The following KIRREL3 variants were observed in gnomAD, a reference collection of about 807,000 sequenced individuals.
KIRREL3 encodes kin of IRRE-like protein 3.
A neutral mutation model predicts 89.7 loss-of-function variants in KIRREL3; 36 were observed. That is an observed-to-expected ratio of 0.40 (90% CI 0.31 to 0.53). The LOEUF is 0.53. Ranked by LOEUF, KIRREL3 falls within the 20% of genes least tolerant of loss-of-function variation. The pLI, the probability that KIRREL3 is intolerant of heterozygous loss-of-function variation, is 0.49. For synonymous variants in KIRREL3, 445 were observed against 441.4 expected, an observed-to-expected ratio of 1.01 and a Z score of -0.10; for missense variants, 864 against 1,056.6, an observed-to-expected ratio of 0.82 and a Z score of 2.53.
At chr11:126,741,470 C>T (rs979925799) in intron 1 of KIRREL3, among the ~76,000 whole-genome samples, 1 of 152,112 alleles carries the variant, frequency 6.6e-6, no homozygotes, top group African/African-American at 2.4e-5. Flanking sequence ...ATATCCCATG[C>T]CCATGTGTTG....
At chr11:126,447,461 G>A (rs892858133) in intron 8 of KIRREL3, among the ~76,000 whole-genome samples, 4 of 152,264 alleles carry the variant, frequency 2.6e-5, no homozygotes, top group Admixed American at 6.5e-5. Flanking sequence ...CGTGACCCAC[G>A]CCTCCTCCCC....
In KIRREL3 at chr11:126,566,075, G is replaced by C. The variant is rs2134601889; in HGVS notation, c.56-3163C>G. 6.6e-6 allele frequency among the ~76,000 whole-genome samples: 1 copy of C among 152,218 alleles called. No homozygotes were observed. The highest frequency in any genetic ancestry group is 3.4e-3 in the Middle Eastern group (1 of 292). On this transcript the variant is annotated intron_variant, in intron 1 of 16. Coordinates refer to ENST00000525144, the MANE Select transcript of KIRREL3 (RefSeq NM_032531.4). This position sits in a 1 kb window ranked among gnomAD's most constrained non-coding sequence, Gnocchi z 4.9. ...ATGGGATCTTCTCCAAGTAGGCTTTGGGGGTGCTGTCTTTGGCTTTATCAG... is the reference window on the plus strand; with the variant it reads ...ATGGGATCTTCTCCAAGTAGGCTTTCGGGGTGCTGTCTTTGGCTTTATCAG...
At chr11:126,478,457 G>A (rs1157140034) in intron 4 of KIRREL3, among the ~76,000 whole-genome samples, 1 of 152,188 alleles carries the variant, frequency 6.6e-6, no homozygotes, top group Non-Finnish European at 1.5e-5. Flanking sequence ...ATGGGGCCGG[G>A]GGGACGGTTA....
rs150375399 is a variant in KIRREL3 at position 126,812,652 on chromosome 11, G to A, written c.55+187803C>T. Among the ~76,000 whole-genome samples, 15 of 152,302 alleles carry A rather than the reference G, an allele frequency of 9.8e-5. No homozygotes were observed. Among genetic ancestry groups the A allele is most frequent in the African/African-American group, 2.4e-4 (10 of 41,560 alleles). Reference sequence around the variant, plus strand: ...GTTAGTAACTAGATTTTCTTAGTCCGCCCTGACTTTGGGCCTTTGTCCATA... The same window carrying A: ...GTTAGTAACTAGATTTTCTTAGTCCACCCTGACTTTGGGCCTTTGTCCATA... On this transcript the variant is annotated intron_variant, in intron 1 of 16. Transcript: ENST00000525144. This position sits in a 1 kb window ranked among gnomAD's most constrained non-coding sequence, Gnocchi z 5.2.
In KIRREL3 at chr11:126,761,176, A is replaced by G. The variant is rs1348647045; in HGVS notation, c.56-198264T>C. 6.6e-6 allele frequency among the ~76,000 whole-genome samples: 1 copy of G among 152,238 alleles called. No individual in the cohort carries two copies. The highest frequency in any genetic ancestry group is 2.4e-5 in the African/African-American group (1 of 41,460). On this transcript the variant is annotated intron_variant, in intron 1 of 16. Coordinates refer to ENST00000525144, the MANE Select transcript of KIRREL3 (RefSeq NM_032531.4). The surrounding 1 kb of genome is among the most constrained non-coding windows in gnomAD (Gnocchi z 4.4). ...ACCTGTCTTGATCATTCTGAGAAGA[A>G]TGGAAACACTGGGAAGATATGGTGT...
At chr11:126,853,491 G>A (rs1377048775) in intron 1 of KIRREL3, among the ~76,000 whole-genome samples, 1 of 152,026 alleles carries the variant, frequency 6.6e-6, no homozygotes, top group Admixed American at 6.6e-5. Context: ...GTTTTAATAT[G>A]CTTTTCATGA....
At chr11:126,958,695 C>T (rs1194085095) in intron 1 of KIRREL3, among the ~76,000 whole-genome samples, 1 of 152,224 alleles carries the variant, frequency 6.6e-6, no homozygotes, top group African/African-American at 2.4e-5. Context: ...TAAAGGCACT[C>T]AAACACTCAT....
At chr11:126,758,737 T>A (rs1436505723) in intron 1 of KIRREL3, among the ~76,000 whole-genome samples, 1 of 152,214 alleles carries the variant, frequency 6.6e-6, no homozygotes, top group Admixed American at 6.5e-5. Context: ...TACAGAACTA[T>A]TATTTACCAG....
Position 127,000,484 on chromosome 11 carries a change from A to T in KIRREL3, c.26T>A (p.Leu9His), listed in dbSNP as rs960778002. The T allele has an allele frequency of 1.2e-6, 2 of 1,608,408 alleles. No individual in the cohort carries two copies. The highest frequency in any genetic ancestry group is 2.2e-5 in the East Asian group (1 of 44,624). Residue 9 changes from leucine to histidine, a missense_variant, in exon 1 of 17, where the codon CTC (leucine) becomes CAC (histidine). Leu to His is a moderately conservative substitution (Grantham distance 99). Coordinates refer to ENST00000525144, the MANE Select transcript of KIRREL3 (RefSeq NM_032531.4). This position sits in a 1 kb window ranked among gnomAD's most constrained non-coding sequence, Gnocchi z 7.1. ...ACTGAAGAGGAAGAAGCAGACGAAG[A>T]GCAGATCGAGCTGGAAGGGTTTCAT... is the stretch of plus-strand genomic sequence containing the variant. MKPFQLDLLFVCFFLFSQE... is the reference protein window; with the variant it reads MKPFQLDLHFVCFFLFSQE...
chr11:126,912,556 T>C lies in KIRREL3; in HGVS notation c.55+87899A>G, dbSNP rs1268629806. ...AAGCAACCCACCATGAGCTGTGAGA[T>C]GGAAATAACTCATCTTATCTATTCA... On this transcript the variant is annotated intron_variant, in intron 1 of 16. Transcript: ENST00000525144. This position sits in a 1 kb window ranked among gnomAD's most constrained non-coding sequence, Gnocchi z 4.7. Among the ~76,000 whole-genome samples, 1 of 152,168 alleles carries C rather than the reference T, an allele frequency of 6.6e-6. No homozygotes were observed. The highest frequency in any genetic ancestry group is 1.5e-5 in the Non-Finnish European group (1 of 68,030).
intron 1 of KIRREL3, among the ~76,000 whole-genome samples, chr11:126,727,785 C>T (rs1164149552): frequency 3.9e-5 from 6 of 152,224 alleles, no homozygotes; most frequent in Non-Finnish European, 8.8e-5. Context: ...GACAAAAGAA[C>T]TAAACGAAGG....
chr11:126,739,291 G>T lies in KIRREL3; in HGVS notation c.56-176379C>A, dbSNP rs1265846257. Among the ~76,000 whole-genome samples, 1 of 152,190 alleles carries T rather than the reference G, an allele frequency of 6.6e-6. No homozygotes were observed. Among genetic ancestry groups the T allele is most frequent in the African/African-American group, 2.4e-5 (1 of 41,446 alleles). On this transcript the variant is annotated intron_variant, in intron 1 of 16. Transcript: ENST00000525144. The surrounding 1 kb of genome is among the most constrained non-coding windows in gnomAD (Gnocchi z 5.5). ...TATAGTATTAATTCGACTGCCTTTT[G>T]GCATGGTTATGGGGCTTCTCTGCAA...
rs540173995 is a variant in KIRREL3, at chr11:126,908,364, C to T, written c.55+92091G>A. 4.6e-5 allele frequency among the ~76,000 whole-genome samples: 7 copies of T among 152,250 alleles called. No individual in the cohort carries two copies. In the South Asian group the frequency reaches 1.0e-3, roughly 23 times the overall value. On this transcript the variant is annotated intron_variant, in intron 1 of 16. Transcript: ENST00000525144. This position sits in a 1 kb window ranked among gnomAD's most constrained non-coding sequence, Gnocchi z 4.2. ...TTTCGTCCAACCAAAGCAAGGACTC[C>T]GAAGCAGGACTGCTTGTGTTCAAAA... is the stretch of plus-strand genomic sequence containing the variant.
chr11:126,694,427 C>T lies in KIRREL3; in HGVS notation c.56-131515G>A, dbSNP rs974476183. Among the ~76,000 whole-genome samples the T allele has an allele frequency of 3.9e-5, 6 of 152,172 alleles. No homozygotes were observed. The highest frequency in any genetic ancestry group is 2.1e-4 in the South Asian group (1 of 4,828). On this transcript the variant is annotated intron_variant, in intron 1 of 16. Transcript: ENST00000525144. The surrounding 1 kb of genome is among the most constrained non-coding windows in gnomAD (Gnocchi z 4.4). ...ATTCTGTCTGATTGTGTCAGCATCACGCTCCGTGACATTTAAAAGTGGGGA... is the reference window on the plus strand; with the variant it reads ...ATTCTGTCTGATTGTGTCAGCATCATGCTCCGTGACATTTAAAAGTGGGGA...
chr11:126,430,271 C>A lies in KIRREL3; in HGVS notation c.1697-983G>T, dbSNP rs1014573450. On this transcript the variant is annotated intron_variant, in intron 14 of 16. Transcript: ENST00000525144. This position sits in a 1 kb window ranked among gnomAD's most constrained non-coding sequence, Gnocchi z 6.6. The stretch of plus-strand genomic sequence containing the variant: ...ACCAGCCTGGGCAACATGGTGAAAT[C>A]CTGTCTCTGCAAAAAATTAAAAAAA... 1.1e-4 allele frequency among the ~76,000 whole-genome samples: 16 copies of A among 152,114 alleles called. No individual in the cohort carries two copies. Among genetic ancestry groups the A allele is most frequent in the African/African-American group, 3.9e-4 (16 of 41,424 alleles).
At chr11:126,725,791 A>G (rs1235465840) in intron 1 of KIRREL3, among the ~76,000 whole-genome samples, 1 of 152,132 alleles carries the variant, frequency 6.6e-6, no homozygotes, top group Non-Finnish European at 1.5e-5. Flanking sequence ...GACTACAGAG[A>G]GCATGGGGGG....
chr11:126,467,540 C>T (rs1419954989), intron 5 of KIRREL3, among the ~76,000 whole-genome samples: 3 of 152,210 alleles, frequency 2.0e-5, no homozygotes, highest in African/African-American at 4.8e-5. Flanking sequence ...ACAGGCAAAC[C>T]GTCTGGAAAG....
intron 2 of KIRREL3, among the ~76,000 whole-genome samples, chr11:126,529,488 G>T (rs970680468): frequency 6.6e-6 from 1 of 151,892 alleles, no homozygotes; most frequent in Non-Finnish European, 1.5e-5. Context: ...TTTTGAGGGG[G>T]AGCATCTCCC....
chr11:126,557,768 G>A lies in KIRREL3; in HGVS notation c.133+5067C>T, dbSNP rs1053286750. On this transcript the variant is annotated intron_variant, in intron 2 of 16. Coordinates refer to ENST00000525144, the MANE Select transcript of KIRREL3 (RefSeq NM_032531.4). The surrounding 1 kb of genome is among the most constrained non-coding windows in gnomAD (Gnocchi z 5.6). The stretch of plus-strand genomic sequence containing the variant: ...TGACTCCCCTGTAAGGCTGGGAAGT[G>A]AGGACAGGTGCTGTGGGGGAGGGGC... Among the ~76,000 whole-genome samples the A allele has an allele frequency of 5.9e-5, 9 of 152,338 alleles. No individual in the cohort carries two copies. The highest frequency in any genetic ancestry group is 1.3e-4 in the Non-Finnish European group (9 of 68,032).
Sources: gnomAD v4.1 joint callset for allele counts (sites outside exome capture counted in the v4.1 genomes callset) on GRCh38, gnomAD v4.1.1 for gene constraint, Gnocchi (gnomAD v3.1) non-coding constraint, MANE v1.5 for transcripts, NCBI Gene and HGNC (gene_info 2026-07-23, HGNC 2026-07-21) for gene names.